The following PDSS2 variants were observed in gnomAD, a reference collection of about 807,000 sequenced individuals.
PDSS2 encodes the protein all trans-polyprenyl-diphosphate synthase PDSS2.
A neutral mutation model predicts 44.5 loss-of-function variants in PDSS2; 31 were observed. That is an observed-to-expected ratio of 0.70 (90% CI 0.52 to 0.94). The LOEUF (loss-of-function observed/expected upper bound fraction) is 0.94, where lower values mean the gene tolerates loss of function less well. Ranked by LOEUF, PDSS2 falls within the 40% of genes least tolerant of loss-of-function variation. The probability of loss-of-function intolerance (pLI) is 0.00; values close to 1 mark genes in which losing one functional copy is unlikely to be tolerated. For missense variants in PDSS2, 452 were observed against 482.2 expected (o/e 0.94, Z 0.59); for synonymous variants, 157 against 180.3 (o/e 0.87, Z 1.03).
rs543755062 is a variant in PDSS2 at position 107,453,943 on chromosome 6, A to G, written c.296+5047T>C. ...CTCTACTATTCCAAGCCATCTCTCT[A>G]TGTGGTAGCTCATTAACCACAAGTC... On this transcript the variant is annotated intron_variant, in intron 1 of 7. Coordinates refer to ENST00000369037, the MANE Select transcript of PDSS2 (RefSeq NM_020381.4). 9.9e-5 allele frequency among the ~76,000 whole-genome samples: 15 copies of G among 152,108 alleles called. 1 individual carries two copies. The highest frequency in any genetic ancestry group is 3.4e-4 in the African/African-American group (14 of 41,474).
At chr6:107,383,732 T>C (rs568874726) in intron 1 of PDSS2, among the ~76,000 whole-genome samples, 1 of 152,308 alleles carries the variant, frequency 6.6e-6, no homozygotes, top group African/African-American at 2.4e-5. Context: ...AAAGCCACAA[T>C]GACACCAATT....
In PDSS2 at chr6:107,191,575, T is replaced by C. The variant is rs1772381119; in HGVS notation, c.1041+2247A>G. Among the ~76,000 whole-genome samples, 3 of 152,092 alleles carry C rather than the reference T, an allele frequency of 2.0e-5. No individual in the cohort carries two copies. In the South Asian group the frequency reaches 6.2e-4, roughly 32 times the overall value. ...ACTGCAACCTTCCTAATGCAATATA[T>C]GGACTTTGGGTGATAACGACGCACC... On this transcript the variant is annotated intron_variant, in intron 7 of 7. Coordinates refer to ENST00000369037, the MANE Select transcript of PDSS2 (RefSeq NM_020381.4).
intron 1 of PDSS2, among the ~76,000 whole-genome samples, chr6:107,383,759 G>A (rs1290458383): frequency 6.6e-6 from 1 of 152,168 alleles, no homozygotes; most frequent in Non-Finnish European, 1.5e-5. Flanking sequence ...CATTAGGATG[G>A]CTAAAATGAA....
chr6:107,365,812 T>C (rs190129111), intron 1 of PDSS2, among the ~76,000 whole-genome samples: 38 of 152,308 alleles, frequency 2.5e-4, no homozygotes, highest in Non-Finnish European at 3.4e-4. Flanking sequence ...AGGTTTATCA[T>C]AGTTTTCATA....
At position 107,457,074 on chromosome 6, in the gene PDSS2, T is replaced by C. The variant is rs78305379; in HGVS notation, c.296+1916A>G. Among the ~76,000 whole-genome samples the C allele has an allele frequency of 7.9e-3, 1,206 of 152,300 alleles. 49 individuals carry two copies. The East Asian group carries it at 0.12, about 15-fold the overall frequency. ...CATTCCAGCTAATCATAAGGTGACA[T>C]TCCTGATAACTGGGAACGATGCCAA... On this transcript the variant is annotated intron_variant, in intron 1 of 7. Transcript: ENST00000369037.
chr6:107,301,023 C>T (rs1206431724), intron 2 of PDSS2, among the ~76,000 whole-genome samples: 1 of 152,178 alleles, frequency 6.6e-6, no homozygotes, highest in Non-Finnish European at 1.5e-5. Context: ...GTAGATGGCA[C>T]ACTTGTTTCA....
intron 1 of PDSS2, among the ~76,000 whole-genome samples, chr6:107,393,445 A>G (rs1779846765): frequency 6.6e-6 from 1 of 152,138 alleles, no homozygotes; most frequent in Admixed American, 6.5e-5. Context: ...GTGAAGTTCT[A>G]TGTGCACTTA....
intron 2 of PDSS2, among the ~76,000 whole-genome samples, chr6:107,286,445 G>A (rs1313934620): frequency 6.6e-6 from 1 of 152,028 alleles, no homozygotes; most frequent in Non-Finnish European, 1.5e-5. Context: ...GAGAGGCAGA[G>A]GTTGCAGTGA....
chr6:107,440,179 C>T (rs1260420986), intron 1 of PDSS2, among the ~76,000 whole-genome samples: 1 of 152,160 alleles, frequency 6.6e-6, no homozygotes, highest in East Asian at 1.9e-4. Flanking sequence ...CCTTTTCATC[C>T]TAGAGAGGTT....
At chr6:107,366,826 C>T (rs1582997465) in intron 1 of PDSS2, among the ~76,000 whole-genome samples, 1 of 151,922 alleles carries the variant, frequency 6.6e-6, no homozygotes, top group East Asian at 1.9e-4. Context: ...TAAATAAATA[C>T]ATTTATAAGT....
In PDSS2 at chr6:107,311,373, A is replaced by AT. The variant is rs200582460; in HGVS notation, c.431+22824dup. Reference sequence around the variant, plus strand: ...AAGTATGTGCCATCACTCCTGGTTAATTTTTTATTTTTTTGTACAGATGGG... The same window carrying AT: ...AAGTATGTGCCATCACTCCTGGTTAATTTTTTTATTTTTTTGTACAGATGGG... On this transcript the variant is annotated intron_variant, in intron 2 of 7. Transcript: ENST00000369037. Among the ~76,000 whole-genome samples the AT allele has an allele frequency of 4.4e-4, 67 of 151,708 alleles. No individual in the cohort carries two copies. In the East Asian group the frequency reaches 0.011, roughly 24 times the overall value.
intron 4 of PDSS2, among the ~76,000 whole-genome samples, chr6:107,218,673 G>C: frequency 6.6e-6 from 1 of 152,160 alleles, no homozygotes; most frequent in East Asian, 1.9e-4. Flanking sequence ...ATAAATATTT[G>C]TTGAATTTTT....
At chr6:107,305,080 G>C (rs1392926642) in intron 2 of PDSS2, among the ~76,000 whole-genome samples, 2 of 151,978 alleles carry the variant, frequency 1.3e-5, no homozygotes, top group Non-Finnish European at 2.9e-5. Flanking sequence ...ATAACTTAAA[G>C]TCTCATAGGT....
intron 2 of PDSS2, among the ~76,000 whole-genome samples, chr6:107,283,895 C>T (rs1248689812): frequency 6.6e-6 from 1 of 151,256 alleles, no homozygotes; most frequent in East Asian, 1.9e-4. Context: ...ATTAGCCAGG[C>T]ATGGTGGCTC....
chr6:107,179,526 G>A (rs199923114), intron 7 of PDSS2, among the ~76,000 whole-genome samples: 6 of 59,914 alleles, frequency 1.0e-4, no homozygotes, highest in African/African-American at 4.5e-4. Context: ...TGATTCGCCC[G>A]CCTCGGCCTT....
chr6:107,268,039 C>A (rs1472642339), intron 3 of PDSS2, among the ~76,000 whole-genome samples: 8 of 152,066 alleles, frequency 5.3e-5, no homozygotes, highest in Admixed American at 5.2e-4. Flanking sequence ...TATGTGCTAG[C>A]CAAAAATGCA....
intron 1 of PDSS2, among the ~76,000 whole-genome samples, chr6:107,455,754 CAAAAAAAAAAAAAA>C (rs60783838): frequency 1.8e-5 from 1 of 55,678 alleles, no homozygotes; most frequent in East Asian, 5.9e-4. Flanking sequence ...GACTCTGTCT[CAAAAAAAAAAAAAA>C]AAAAAAAAAA....
rs536485685 is a variant in PDSS2, at chr6:107,177,008, T to C, written c.1041+16814A>G. Among the ~76,000 whole-genome samples, 209 of 151,772 alleles carry C rather than the reference T, an allele frequency of 1.4e-3. 1 individual carries two copies. The highest frequency in any genetic ancestry group is 4.0e-3 in the African/African-American group (166 of 41,404). On this transcript the variant is annotated intron_variant, in intron 7 of 7. Coordinates refer to ENST00000369037, the MANE Select transcript of PDSS2 (RefSeq NM_020381.4). Reference sequence around the variant, plus strand: ...AAAAAAAAACCAAAAAAACCTGCATTTCAGGGTATGAGCAGACATGCCTGC... The same window carrying C: ...AAAAAAAAACCAAAAAAACCTGCATCTCAGGGTATGAGCAGACATGCCTGC...
chr6:107,181,525 C>A (rs1291083837), intron 7 of PDSS2, among the ~76,000 whole-genome samples: 1 of 103,830 alleles, frequency 9.6e-6, no homozygotes. Flanking sequence ...AAGAGTGAAT[C>A]TCTGTCTCAA....
Sources: gnomAD v4.1 joint callset for allele counts (sites outside exome capture counted in the v4.1 genomes callset) on GRCh38, gnomAD v4.1.1 for gene constraint, MANE v1.5 for transcripts, NCBI Gene and HGNC (gene_info 2026-07-23, HGNC 2026-07-21) for gene names.